The following RPS6KA5 variants were observed in gnomAD, a reference collection of about 807,000 sequenced individuals.
RPS6KA5 encodes ribosomal protein S6 kinase A5.
Under a neutral mutation model 85.5 loss-of-function variants are expected in RPS6KA5, and 27 were observed. That is an observed-to-expected ratio of 0.32 (90% confidence interval 0.23 to 0.44). The LOEUF is 0.44. Among genes scored for constraint, RPS6KA5 ranks in the 20% least tolerant of loss-of-function variants. The pLI is 1.00. For synonymous variants in RPS6KA5, 334 were observed against 348.2 expected, an observed-to-expected ratio of 0.96 and a Z score of 0.46; for missense variants, 811 against 980.9, an observed-to-expected ratio of 0.83 and a Z score of 2.31.
In RPS6KA5 at chr14:90,889,473, A is replaced by G. The variant is rs1390214667; in HGVS notation, c.1836+1014T>C. On this transcript the variant is annotated intron_variant, in intron 14 of 16. Coordinates refer to ENST00000614987, the MANE Select transcript of RPS6KA5 (RefSeq NM_004755.4). ...GTACTCCCATATAGTTGATGAGAAC[A>G]TAATCTGATAAATCTTTTAGAAGGA... is the stretch of plus-strand genomic sequence containing the variant. 5.3e-5 allele frequency among the ~76,000 whole-genome samples: 8 copies of G among 152,192 alleles called. No individual in the cohort carries two copies. In the East Asian group the frequency reaches 1.5e-3, roughly 29 times the overall value.
chr14:91,035,730 T>A (rs2042368827), intron 1 of RPS6KA5, among the ~76,000 whole-genome samples: 1 of 151,078 alleles, frequency 6.6e-6, no homozygotes, highest in South Asian at 2.1e-4. Context: ...ATGGAATGTT[T>A]TAAGTAGAAA....
chr14:90,910,748 C>T (rs1010714386), intron 7 of RPS6KA5, among the ~76,000 whole-genome samples: 7 of 151,210 alleles, frequency 4.6e-5, no homozygotes, highest in Non-Finnish European at 7.4e-5. Context: ...TGCAATGGCG[C>T]GATCTCAGCT....
chr14:90,874,075 C>T (rs2033296906), intron 15 of RPS6KA5, among the ~76,000 whole-genome samples: 1 of 152,210 alleles, frequency 6.6e-6, no homozygotes, highest in Admixed American at 6.5e-5. Flanking sequence ...CCACTGGTGA[C>T]TTCGTAAGCT....
At chr14:90,894,392 A>G in intron 13 of RPS6KA5, 21 bp downstream of exon 13, 2 of 1,607,950 alleles carry the variant, frequency 1.2e-6, no homozygotes, top group Non-Finnish European at 1.7e-6. Flanking sequence ...GAATTACGTA[A>G]GAGATCCAGT....
chr14:90,950,789 AG>A (rs1243935487), intron 3 of RPS6KA5, among the ~76,000 whole-genome samples: 1 of 152,166 alleles, frequency 6.6e-6, no homozygotes, highest in East Asian at 1.9e-4. Flanking sequence ...TTGGTTTGAT[AG>A]AAAGTTGTTG....
chr14:90,890,527 T>A lies in RPS6KA5; in HGVS notation c.1796A>T (p.Tyr599Phe). 6.2e-7 allele frequency: 1 copy of A among 1,614,156 alleles called. No individual in the cohort carries two copies. Among genetic ancestry groups the A allele is most frequent in the Non-Finnish European group, 8.5e-7 (1 of 1,179,996 alleles). Reference sequence around the variant, plus strand: ...GCTCCACAGGTCACAGGACTCATCGTAGCCGTTCTGATTCAAGAGCTCTGG... The same window carrying A: ...GCTCCACAGGTCACAGGACTCATCGAAGCCGTTCTGATTCAAGAGCTCTGG... ...AAPELLNQNG[Y>F]DESCDLWSLG... Residue 599 changes from tyrosine to phenylalanine, a missense_variant, in exon 14 of 17, where the codon TAC (tyrosine) becomes TTC (phenylalanine). Tyr to Phe is a conservative substitution (Grantham distance 22). Coordinates refer to ENST00000614987, the MANE Select transcript of RPS6KA5 (RefSeq NM_004755.4).
chr14:90,948,881 T>C (rs1483528663), intron 3 of RPS6KA5, among the ~76,000 whole-genome samples: 1 of 152,192 alleles, frequency 6.6e-6, no homozygotes, highest in Non-Finnish European at 1.5e-5. Flanking sequence ...TTTACCACAA[T>C]TTGATAAAAG....
At chr14:90,974,843 A>G (rs551193026) in intron 3 of RPS6KA5, among the ~76,000 whole-genome samples, 1 of 152,364 alleles carries the variant, frequency 6.6e-6, no homozygotes, top group East Asian at 1.9e-4. Context: ...GAGAAAATAA[A>G]TCATTGTTTA....
At chr14:91,036,044 C>T (rs944806893) in intron 1 of RPS6KA5, among the ~76,000 whole-genome samples, 5 of 150,566 alleles carry the variant, frequency 3.3e-5, no homozygotes, top group Non-Finnish European at 7.4e-5. Context: ...AATGAGTTGA[C>T]AGGACTCAAA....
chr14:90,920,063 T>C (rs1336583826), intron 7 of RPS6KA5, 143 bp downstream of exon 7: 3 of 691,040 alleles, frequency 4.3e-6, no homozygotes, highest in Non-Finnish European at 7.9e-6. Context: ...ATATGCCATA[T>C]GATAGAAATG....
At chr14:90,999,071 G>A (rs952027583) in intron 2 of RPS6KA5, among the ~76,000 whole-genome samples, 1 of 152,122 alleles carries the variant, frequency 6.6e-6, no homozygotes, top group Non-Finnish European at 1.5e-5. Flanking sequence ...AGCTGGGCAT[G>A]GTGGTGCATG....
At chr14:90,909,806 T>TA (rs2035701700) in intron 7 of RPS6KA5, among the ~76,000 whole-genome samples, 1 of 152,176 alleles carries the variant, frequency 6.6e-6, no homozygotes, top group South Asian at 2.1e-4. Context: ...TTATTATTAT[T>TA]TTTTGAGATG....
chr14:90,984,796 G>T (rs2039986542), intron 2 of RPS6KA5, among the ~76,000 whole-genome samples: 1 of 152,158 alleles, frequency 6.6e-6, no homozygotes, highest in Non-Finnish European at 1.5e-5. Flanking sequence ...AAAACAAGAA[G>T]ACATCCATGC....
At chr14:91,042,055 T>A (rs1263789362) in intron 1 of RPS6KA5, among the ~76,000 whole-genome samples, 1 of 152,178 alleles carries the variant, frequency 6.6e-6, no homozygotes, top group East Asian at 1.9e-4. Flanking sequence ...TCTGGCATGA[T>A]CCAGAGAACA....
At chr14:90,924,069 T>C (rs1014146829) in intron 5 of RPS6KA5, among the ~76,000 whole-genome samples, 1 of 152,098 alleles carries the variant, frequency 6.6e-6, no homozygotes, top group African/African-American at 2.4e-5. Flanking sequence ...GAGGAGTTGA[T>C]AGGGTATACA....
intron 1 of RPS6KA5, among the ~76,000 whole-genome samples, chr14:91,030,331 T>C (rs1677682678): frequency 6.6e-6 from 1 of 151,976 alleles, no homozygotes; most frequent in Admixed American, 6.6e-5. Context: ...TGCAGAATAA[T>C]ATATAAGTCT....
In RPS6KA5 at chr14:90,867,669, C is replaced by T. The variant is rs967694758; in HGVS notation, c.*4405G>A. ...CAAGTCTCCTTCTAGACACAAAATC[C>T]TAGCTTTTTGTAATGTGGTTAAAAG... is the stretch of plus-strand genomic sequence containing the variant. On this transcript the variant is annotated 3_prime_UTR_variant, in exon 17 of 17. Transcript: ENST00000614987. 2 of 152,138 alleles carry T rather than the reference C, an allele frequency of 1.3e-5. No individual in the cohort carries two copies. The highest frequency in any genetic ancestry group is 2.9e-5 in the Non-Finnish European group (2 of 67,996). The allele number at this position is 152,138 out of a possible 1,614,324, so 9.4% of individuals were successfully genotyped here.
chr14:90,894,415 C>T lies in RPS6KA5; in HGVS notation c.1642G>A (p.Glu548Lys). 1 of 1,613,388 alleles carries T rather than the reference C, an allele frequency of 6.2e-7. No individual in the cohort carries two copies. Among genetic ancestry groups the T allele is most frequent in the Non-Finnish European group, 8.5e-7 (1 of 1,179,532 alleles). ...VGVVHRDLKP[E>K]NLLFTDENDN... is the part of the protein sequence containing the mutation. ...TAAGAGATCCAGTGATTTTATACCTCAGGTTTCAGATCCCTGTGCACCACT... is the reference window on the plus strand; with the variant it reads ...TAAGAGATCCAGTGATTTTATACCTTAGGTTTCAGATCCCTGTGCACCACT... The change falls in exon 13 of 17, where the codon GAG becomes AAG. Residue 548 changes from glutamate to lysine, a missense_variant and splice_region_variant. By Grantham distance (56) the Glu-to-Lys change is moderately conservative. Transcript: ENST00000614987.
chr14:90,975,953 T>C (rs1417406153), intron 3 of RPS6KA5, among the ~76,000 whole-genome samples: 2 of 152,222 alleles, frequency 1.3e-5, no homozygotes, highest in Non-Finnish European at 2.9e-5. Context: ...TCACGTTCCA[T>C]TCTTGACTTA....
Sources: gnomAD v4.1 joint callset for allele counts (sites outside exome capture counted in the v4.1 genomes callset) on GRCh38, gnomAD v4.1.1 for gene constraint, MANE v1.5 for transcripts, NCBI Gene and HGNC (gene_info 2026-07-23, HGNC 2026-07-21) for gene names.